PIP4P1: variants seen among roughly 807,000 people sequenced by gnomAD.
PIP4P1 encodes type 1 phosphatidylinositol 4,5-bisphosphate 4-phosphatase.
Under a neutral mutation model 32.3 loss-of-function variants are expected in PIP4P1, and 14 were observed. The ratio of observed to expected loss-of-function variants is 0.43; its 90% CI spans 0.29 to 0.68. The LOEUF (loss-of-function observed/expected upper bound fraction) is 0.68, where lower values mean the gene tolerates loss of function less well. Among genes scored for constraint, PIP4P1 ranks in the 30% least tolerant of loss-of-function variants. PIP4P1 has a pLI of 0.15. For synonymous variants in PIP4P1, 132 were observed against 137.9 expected, an observed-to-expected ratio of 0.96 and a Z score of 0.30; for missense variants, 289 against 364.5, an observed-to-expected ratio of 0.79 and a Z score of 1.69.
chr14:20,460,069 C>A (rs961966089), intron 3 of PIP4P1, 123 bp downstream of exon 3: 2 of 765,348 alleles, frequency 2.6e-6, no homozygotes, highest in Non-Finnish European at 4.6e-6. Context: ...GAGGCACATG[C>A]TTCAAAGCCT....
Position 20,457,742 on chromosome 14 carries a change from C to T in PIP4P1, c.*817G>A. The T allele has an allele frequency of 3.4e-6, 2 of 595,158 alleles. No homozygotes were observed. The allele number at this position is 595,158 out of a possible 1,614,324, so 36.9% of individuals were successfully genotyped here. ...CTAATGACTTTGTTTGAATTATCCA[C>T]ATGAAAATAAAGAGCCATAGTTTCA... On this transcript the variant is annotated 3_prime_UTR_variant, in exon 7 of 7. Transcript: ENST00000250489.
rs1881682241 is a variant in PIP4P1 at position 20,460,931 on chromosome 14, A to AC, written c.143-87dup. On this transcript the variant is annotated intron_variant, in intron 1 of 6. Transcript: ENST00000250489. ...GGTAGGGAAGTCCTTCTGATCTTCAACCCTCTGACCAAGCTCGGAGGGCTT... is the reference window on the plus strand; with the variant it reads ...GGTAGGGAAGTCCTTCTGATCTTCAACCCCTCTGACCAAGCTCGGAGGGCTT... The AC allele has an allele frequency of 6.1e-5, 87 of 1,424,608 alleles. 1 individual carries two copies. In the South Asian group the frequency reaches 1.2e-3, roughly 19 times the overall value. The allele number at this position is 1,424,608 out of a possible 1,614,324, so 88.2% of individuals were successfully genotyped here.
chr14:20,460,189 T>C lies in PIP4P1; in HGVS notation c.440+3A>G. On this transcript the variant is annotated splice_donor_region_variant and intron_variant, in intron 3 of 6. Coordinates refer to ENST00000250489, the MANE Select transcript of PIP4P1 (RefSeq NM_144568.4). ...AGGCCCTTCCCCACCTTATGCCTCT[T>C]ACCAGTAGGGCCGAGGGCATGCAAT... 1.2e-6 allele frequency: 2 copies of C among 1,611,290 alleles called. No homozygotes were observed. The highest frequency in any genetic ancestry group is 1.7e-6 in the Non-Finnish European group (2 of 1,177,398).
At chr14:20,460,624 A>G (rs779082074) in intron 2 of PIP4P1, 31 bp downstream of exon 2, 3 of 1,544,926 alleles carry the variant, frequency 1.9e-6, no homozygotes, top group Non-Finnish European at 2.7e-6. Context: ...TCCAGGAAAC[A>G]GGGCCCATTT....
chr14:20,461,054 G>A lies in PIP4P1; in HGVS notation c.142+130C>T, dbSNP rs1383727636. On this transcript the variant is annotated intron_variant, in intron 1 of 6. Transcript: ENST00000250489. ...GGAAGGAAGCCTCGCCCAGTCACAG[G>A]TGCAGCAGTCCCGCACCTGGCGACT... 8 of 1,285,716 alleles carry A rather than the reference G, an allele frequency of 6.2e-6. No homozygotes were observed. In the South Asian group the frequency reaches 1.4e-4, roughly 23 times the overall value. The allele number at this position is 1,285,716 out of a possible 1,614,324, so 79.6% of individuals were successfully genotyped here. A position where few individuals can be genotyped will look rare whatever the true frequency, so the allele number is the denominator to read the frequency against.
chr14:20,458,267 G>T lies in PIP4P1; in HGVS notation c.*292C>A. 1.9e-6 allele frequency: 1 copy of T among 514,832 alleles called. No individual in the cohort carries two copies. The highest frequency in any genetic ancestry group is 3.8e-6 in the Non-Finnish European group (1 of 266,196). The allele number at this position is 514,832 out of a possible 1,614,324, so 31.9% of individuals were successfully genotyped here. On this transcript the variant is annotated 3_prime_UTR_variant, in exon 7 of 7. Transcript: ENST00000250489. ...AGGAATGGCTCTCAGGGAGCACACA[G>T]GAAGGACAAGGCTGGAACCGTCTTC...
Position 20,460,574 on chromosome 14 carries a change from C to T in PIP4P1, c.333+81G>A, listed in dbSNP as rs1881662857. 3.4e-6 allele frequency: 5 copies of T among 1,468,264 alleles called. No individual in the cohort carries two copies. In the East Asian group the frequency reaches 6.9e-5, roughly 20 times the overall value. 91.0% of individuals were successfully genotyped at this position (1,468,264 alleles called of 1,614,324 possible). A position where few individuals can be genotyped will look rare whatever the true frequency, so the allele number is the denominator to read the frequency against. ...TCATCAAAAGCACTTGGCTAATAGC[C>T]GGAAGGTCAGGGTCTAGAACCAAGA... On this transcript the variant is annotated intron_variant, in intron 2 of 6. Transcript: ENST00000250489.
chr14:20,459,606 C>G, intron 4 of PIP4P1, 22 bp downstream of exon 4: 1 of 1,605,452 alleles, frequency 6.2e-7, no homozygotes, highest in South Asian at 1.1e-5. Flanking sequence ...TTCCCCTCCC[C>G]TTCCCAATAC....
In PIP4P1 at chr14:20,458,563, G is replaced by C. The variant is rs749708582; in HGVS notation, c.830C>G (p.Ser277Cys). 2 of 1,613,444 alleles carry C rather than the reference G, an allele frequency of 1.2e-6. No individual in the cohort carries two copies. The highest frequency in any genetic ancestry group is 1.7e-5 in the Admixed American group (1 of 59,944). ...ACAGTCTGTGGGTCATCAGGCTCAG[G>C]AGAAGTTCTGGACAGGGTGGCTGAC... is the stretch of plus-strand genomic sequence containing the variant. ...MKVSHPVQNF[S>C] The change falls in exon 7 of 7, where the codon TCC becomes TGC. Residue 277 changes from serine (S) to cysteine (C), a missense_variant. Ser to Cys is a moderately radical substitution (Grantham distance 112). Transcript: ENST00000250489.
In PIP4P1 at chr14:20,458,678, G is replaced by A. The variant is rs768407616; in HGVS notation, c.715C>T (p.Arg239Ter). The A allele has an allele frequency of 1.9e-6, 3 of 1,613,152 alleles. No individual in the cohort carries two copies. The highest frequency in any genetic ancestry group is 2.7e-5 in the African/African-American group (2 of 74,822). Reference protein sequence around the residue: ...LAFGTWKHARRYGGIYAAWAF... With the variant: ...LAFGTWKHAR ...CAGGCTGCATAGATGCCTCCATATC[G>A]CCGTGCATGCTTCCATGTGCCAAAC... Residue 239 changes from arginine (R) to a stop codon, truncating the protein, a stop_gained, in exon 7 of 7, where the codon CGA (arginine) becomes TGA (stop). Transcript: ENST00000250489. LOFTEE classifies it high-confidence loss of function.
intron 1 of PIP4P1, 28 bp downstream of exon 1, chr14:20,461,156 G>A: frequency 1.6e-6 from 2 of 1,261,872 alleles, no homozygotes; most frequent in Non-Finnish European, 2.0e-6. Context: ...GACCCGCCCC[G>A]GCTTACCCTG....
At chr14:20,460,570 T>C (rs763954750) in intron 2 of PIP4P1, 85 bp downstream of exon 2, 17 of 1,443,304 alleles carry the variant, frequency 1.2e-5, no homozygotes, top group East Asian at 2.3e-5. Flanking sequence ...ACTTGGCTAA[T>C]AGCCGGAAGG....
At chr14:20,459,010 A>G (rs1881585794) in intron 6 of PIP4P1, 196 bp downstream of exon 6, 5 of 642,892 alleles carry the variant, frequency 7.8e-6, no homozygotes, top group Non-Finnish European at 1.3e-5. Flanking sequence ...AGAGAAAGGA[A>G]GGCTGTTTTT....
chr14:20,459,113 T>G, intron 6 of PIP4P1, 93 bp downstream of exon 6: 1 of 1,357,148 alleles, frequency 7.4e-7, no homozygotes, highest in Non-Finnish European at 1.0e-6. Context: ...TCCCCCAAGT[T>G]TCTTCCACTT....
intron 1 of PIP4P1, 65 bp from the exon 2 acceptor site, chr14:20,460,910 G>A (rs1405517407): frequency 3.4e-6 from 5 of 1,475,562 alleles, no homozygotes; most frequent in African/African-American, 2.9e-5. Context: ...CACGGTGGTA[G>A]GGAAGTCCTT....
intron 2 of PIP4P1, 149 bp from the exon 3 acceptor site, chr14:20,460,447 G>C: frequency 1.3e-6 from 1 of 749,532 alleles, no homozygotes; most frequent in South Asian, 1.8e-5. Flanking sequence ...TTGCAAATAG[G>C]AACTAGGCTA....
chr14:20,459,355 C>A (rs1881607763), intron 5 of PIP4P1, 33 bp downstream of exon 5: 3 of 1,614,104 alleles, frequency 1.9e-6, no homozygotes, highest in Admixed American at 1.7e-5. Flanking sequence ...TTACTCCATA[C>A]ATCAATTACC....
rs1225228807 is a variant in PIP4P1, at chr14:20,457,911, C to A, written c.*648G>T. The A allele has an allele frequency of 7.5e-5, 25 of 331,616 alleles. No homozygotes were observed. Among genetic ancestry groups the A allele is most frequent in the Non-Finnish European group, 1.4e-4 (24 of 171,778 alleles). The allele number at this position is 331,616 out of a possible 1,614,324, so 20.5% of individuals were successfully genotyped here. A position where few individuals can be genotyped will look rare whatever the true frequency, so the allele number is the denominator to read the frequency against. On this transcript the variant is annotated 3_prime_UTR_variant, in exon 7 of 7. Transcript: ENST00000250489. ...CACAGGATAAGTCCCTAACCTCCCC[C>A]AAAGACTGAGCAACCCTACCCAGCC...
chr14:20,460,801 C>T lies in PIP4P1; in HGVS notation c.187G>A (p.Glu63Lys), dbSNP rs1214079633. The T allele has an allele frequency of 1.3e-6, 2 of 1,586,932 alleles. No homozygotes were observed. Among genetic ancestry groups the T allele is most frequent in the Non-Finnish European group, 1.7e-6 (2 of 1,168,030 alleles). ...AAGGGTGAATAGGGGGGTGGGTCCT[C>T]CCCAGGCAACACGGCTGGATGCCCC... is the stretch of plus-strand genomic sequence containing the variant. Reference protein sequence around the residue: ...PEGHPAVLPGEDPPPYSPLTS... With the variant: ...PEGHPAVLPGKDPPPYSPLTS... The change falls in exon 2 of 7, where the codon GAG (glutamate) becomes AAG (lysine). Residue 63 changes from glutamate to lysine, a missense_variant. By Grantham distance (56) the Glu-to-Lys change is moderately conservative. This residue lies in a region of PIP4P1 where 108 missense variants were observed against 101.2 expected (regional missense o/e 1.07). Coordinates refer to ENST00000250489, the MANE Select transcript of PIP4P1 (RefSeq NM_144568.4).
Sources: gnomAD v4.1 joint callset for allele counts on GRCh38, gnomAD v4.1.1 for gene constraint, gnomAD v4.1.1 regional missense constraint, MANE v1.5 for transcripts, NCBI Gene and HGNC (gene_info 2026-07-23, HGNC 2026-07-21) for gene names.